The following COL22A1 variants were observed in gnomAD, a reference collection of about 807,000 sequenced individuals.
COL22A1 encodes collagen type XXII alpha 1 chain.
COL22A1 carries 221 observed loss-of-function variants against 248.9 expected under a neutral mutation model. The observed-to-expected ratio is 0.89, with a 90% CI of 0.80 to 0.99. COL22A1 has a LOEUF of 0.99. COL22A1 is among the 50% of genes least tolerant of loss of function. The pLI is 0.00. For synonymous variants in COL22A1, 891 were observed against 793.4 expected (o/e 1.12, Z -2.07); for missense variants, 2,240 against 2,179.0 (o/e 1.03, Z -0.56).
intron 12 of COL22A1, among the ~76,000 whole-genome samples, chr8:138,794,961 G>A (rs927282113): frequency 7.2e-5 from 11 of 152,088 alleles, no homozygotes; most frequent in Admixed American, 4.6e-4. Context: ...TAAGCAAAAC[G>A]AATGCATTCT....
intron 3 of COL22A1, among the ~76,000 whole-genome samples, chr8:138,845,307 G>A (rs7001582): frequency 3.3e-3 from 500 of 152,074 alleles, no homozygotes; most frequent in African/African-American, 0.011. Flanking sequence ...TCAGGAGTTC[G>A]AGACCAGCCT....
chr8:138,850,956 C>T (rs1234278778), intron 3 of COL22A1, among the ~76,000 whole-genome samples: 3 of 152,212 alleles, frequency 2.0e-5, no homozygotes, highest in South Asian at 4.1e-4. Context: ...AAGTGCCTGG[C>T]ACACGTCTCA....
chr8:138,662,716 A>C (rs1328070027), intron 42 of COL22A1, among the ~76,000 whole-genome samples: 1 of 151,824 alleles, frequency 6.6e-6, no homozygotes, highest in Non-Finnish European at 1.5e-5. Context: ...GCCTTCACAG[A>C]CCTCCTCTCA....
At chr8:138,593,988 G>C (rs1248334983) in intron 63 of COL22A1, 29 bp downstream of exon 63, 1 of 1,503,380 alleles carries the variant, frequency 6.7e-7, no homozygotes, top group Non-Finnish European at 8.9e-7. Context: ...GGAGTACACG[G>C]AGCATATCTC....
At chr8:138,669,885 C>CT (rs34714342) in intron 41 of COL22A1, among the ~76,000 whole-genome samples, 10,298 of 121,110 alleles carry the variant, frequency 0.085, 539 homozygotes, top group African/African-American at 0.11. Flanking sequence ...ACTCCTAAGA[C>CT]TTTTTTTTTT....
chr8:138,619,375 G>T (rs1469978805), intron 53 of COL22A1, 80 bp downstream of exon 53: 3 of 1,353,468 alleles, frequency 2.2e-6, no homozygotes, highest in South Asian at 2.4e-5. Context: ...GGCAGTCTGG[G>T]CTAGCCCTGC....
chr8:138,635,593 C>T (rs1360476079), intron 48 of COL22A1, among the ~76,000 whole-genome samples: 1 of 151,906 alleles, frequency 6.6e-6, no homozygotes, highest in East Asian at 1.9e-4. Context: ...GAGTCTATTG[C>T]ATATTATAGA....
At position 138,687,601 on chromosome 8, in the gene COL22A1, G is replaced by C. The variant is rs141506956; in HGVS notation, c.2862+1316C>G. Among the ~76,000 whole-genome samples the C allele has an allele frequency of 5.7e-4, 87 of 152,298 alleles. 1 individual carries two copies. In the East Asian group the frequency reaches 0.016, roughly 28 times the overall value. On this transcript the variant is annotated intron_variant, in intron 37 of 64. Coordinates refer to ENST00000303045, the MANE Select transcript of COL22A1 (RefSeq NM_152888.3). ...ATGGATACTAGTGTGATCTGCTCAC[G>C]CAGGGAGGGCAGGACACAACCACAT... is the stretch of plus-strand genomic sequence containing the variant.
chr8:138,650,960 C>T (rs1822675621), intron 45 of COL22A1, among the ~76,000 whole-genome samples: 2 of 152,136 alleles, frequency 1.3e-5, no homozygotes, highest in African/African-American at 4.8e-5. Context: ...GAAAGCCCCA[C>T]CAAAGGCACC....
intron 39 of COL22A1, among the ~76,000 whole-genome samples, chr8:138,681,311 A>G (rs1326111704): frequency 6.6e-6 from 1 of 152,162 alleles, no homozygotes; most frequent in African/African-American, 2.4e-5. Flanking sequence ...CCTGTGAGTT[A>G]GGTAGTAATA....
chr8:138,714,886 T>C (rs1211173233), intron 30 of COL22A1, among the ~76,000 whole-genome samples: 3 of 152,092 alleles, frequency 2.0e-5, no homozygotes, highest in Admixed American at 6.6e-5. Flanking sequence ...GGAAAGGATA[T>C]AGGAGTCAGG....
At chr8:138,779,584 A>G (rs761072314) in intron 13 of COL22A1, 22 bp from the exon 14 acceptor site, 4 of 1,588,738 alleles carry the variant, frequency 2.5e-6, no homozygotes, top group Non-Finnish European at 3.5e-6. Flanking sequence ...AAACAACACA[A>G]AGTCATAGGC....
chr8:138,720,876 G>A, intron 26 of COL22A1, 84 bp from the exon 27 acceptor site: 1 of 1,109,606 alleles, frequency 9.0e-7, no homozygotes, highest in South Asian at 1.2e-5. Flanking sequence ...AGGTTGGAAG[G>A]AAGAGAACTA....
At chr8:138,891,736 C>G (rs1825088188) in intron 1 of COL22A1, among the ~76,000 whole-genome samples, 1 of 152,118 alleles carries the variant, frequency 6.6e-6, no homozygotes, top group Admixed American at 6.5e-5. Flanking sequence ...CTGGCTGCAG[C>G]AACACTTATT....
intron 45 of COL22A1, among the ~76,000 whole-genome samples, chr8:138,651,431 A>G (rs1403846034): frequency 6.6e-6 from 1 of 152,236 alleles, no homozygotes; most frequent in Non-Finnish European, 1.5e-5. Flanking sequence ...CAACTGACTG[A>G]CCGATCAACC....
chr8:138,767,801 C>A (rs1055368110), intron 16 of COL22A1, among the ~76,000 whole-genome samples: 1 of 152,096 alleles, frequency 6.6e-6, no homozygotes, highest in South Asian at 2.1e-4. Context: ...AGGGCGCCCC[C>A]ACTCCACTGA....
chr8:138,728,624 C>T (rs967892059), intron 23 of COL22A1, among the ~76,000 whole-genome samples: 12 of 151,872 alleles, frequency 7.9e-5, no homozygotes, highest in African/African-American at 2.9e-4. Flanking sequence ...GTTTTGGAGT[C>T]TCATAGCACG....
At chr8:138,769,313 G>C (rs1160788986) in intron 16 of COL22A1, among the ~76,000 whole-genome samples, 1 of 152,192 alleles carries the variant, frequency 6.6e-6, no homozygotes, top group Non-Finnish European at 1.5e-5. Flanking sequence ...CGTGGCCTCA[G>C]GAGAGGAAGA....
At chr8:138,626,358 C>A in intron 50 of COL22A1, 115 bp from the exon 51 acceptor site, 1 of 847,368 alleles carries the variant, frequency 1.2e-6, no homozygotes, top group Non-Finnish European at 2.0e-6. Context: ...TGGTGAGAAA[C>A]AAGGAGTGCT....
Sources: allele counts gnomAD v4.1 joint callset (sites outside exome capture counted in the v4.1 genomes callset), GRCh38; gene constraint gnomAD v4.1.1; transcripts MANE v1.5; gene names NCBI Gene and HGNC (gene_info 2026-07-23, HGNC 2026-07-21).